The following XKR9 variants were observed in gnomAD, a reference collection of about 807,000 sequenced individuals.
XKR9 encodes XK related 9.
A neutral mutation model predicts 32.0 loss-of-function variants in XKR9; 32 were observed. The observed-to-expected ratio is 1.00, with a 90% CI of 0.76 to 1.34. The LOEUF (loss-of-function observed/expected upper bound fraction) is 1.34. XKR9 is among the 40% of genes most tolerant of loss of function. XKR9 has a pLI of 0.00. For synonymous variants in XKR9, 168 were observed against 143.4 expected (o/e 1.17, Z -1.22); for missense variants, 546 against 429.7 (o/e 1.27, Z -2.39).
rs370452618 is a variant in XKR9 at position 70,734,089 on chromosome 8, T to C, written c.787T>C (p.Tyr263His). ...FCTCISMEFL[Y>H]RIVVGFILIF... Reference sequence around the variant, plus strand: ...TACTTGTATAAGTATGGAATTCTTATATAGGATTGTTGTTGGATTCATTCT... The same window carrying C: ...TACTTGTATAAGTATGGAATTCTTACATAGGATTGTTGTTGGATTCATTCT... Residue 263 changes from tyrosine to histidine, a missense_variant, in exon 5 of 5, where the codon TAT becomes CAT. Transcript: ENST00000408926. The C allele has an allele frequency of 1.1e-4, 185 of 1,612,748 alleles. No homozygotes were observed. Among genetic ancestry groups the C allele is most frequent in the Non-Finnish European group, 1.5e-4 (180 of 1,179,102 alleles).
chr8:71,010,457 T>G, the XKR9 span, among the ~76,000 whole-genome samples: 1 of 152,230 alleles, frequency 6.6e-6, no homozygotes, highest in African/African-American at 2.4e-5. Context: ...AGCTTCTCTA[T>G]GCAACATAGG....
intron 2 of XKR9, among the ~76,000 whole-genome samples, chr8:70,773,387 T>C (rs1319465870): frequency 6.6e-6 from 1 of 152,204 alleles, no homozygotes; most frequent in Admixed American, 6.6e-5. Flanking sequence ...TACAATCTAC[T>C]GGCCATGGTC....
At chr8:70,889,528 T>C in the XKR9 span, among the ~76,000 whole-genome samples, 29 of 151,990 alleles carry the variant, frequency 1.9e-4, no homozygotes, top group African/African-American at 6.7e-4. Flanking sequence ...TAATATCCAA[T>C]AGTTAGTTTT....
intron 2 of XKR9, among the ~76,000 whole-genome samples, chr8:70,786,960 CAAA>C (rs1411077161): frequency 6.6e-6 from 1 of 151,846 alleles, no homozygotes; most frequent in Non-Finnish European, 1.5e-5. Context: ...TTGTGGTTAC[CAAA>C]ATGTGTTTTC....
the XKR9 span, among the ~76,000 whole-genome samples, chr8:71,006,728 A>G: frequency 6.6e-6 from 1 of 152,186 alleles, no homozygotes; most frequent in Non-Finnish European, 1.5e-5. Context: ...ACTTTGGGGT[A>G]GAAAACTCAA....
intron 2 of XKR9, among the ~76,000 whole-genome samples, chr8:70,755,234 G>A (rs543739961): frequency 6.6e-6 from 1 of 152,298 alleles, no homozygotes; most frequent in East Asian, 1.9e-4. Context: ...ACTTAGAGTG[G>A]CAATCATTAA....
chr8:70,828,287 G>A, the XKR9 span, among the ~76,000 whole-genome samples: 1 of 152,096 alleles, frequency 6.6e-6, no homozygotes, highest in Non-Finnish European at 1.5e-5. Flanking sequence ...TCTTCAAATA[G>A]GCCTATATTA....
chr8:70,809,449 A>G, the XKR9 span, among the ~76,000 whole-genome samples: 2 of 152,246 alleles, frequency 1.3e-5, no homozygotes, highest in East Asian at 1.9e-4. Flanking sequence ...ACGGAGAATG[A>G]CTTTGATGAG....
At chr8:70,846,319 G>GATGTGAA in the XKR9 span, among the ~76,000 whole-genome samples, 2 of 152,004 alleles carry the variant, frequency 1.3e-5, no homozygotes, top group African/African-American at 2.4e-5. Flanking sequence ...CTTACAATGG[G>GATGTGAA]ATGTGAAAAG....
At chr8:70,855,495 G>T in the XKR9 span, among the ~76,000 whole-genome samples, 1 of 152,238 alleles carries the variant, frequency 6.6e-6, no homozygotes, top group Middle Eastern at 3.4e-3. Flanking sequence ...CCAAATCTAC[G>T]TCTGATTGGT....
At chr8:70,716,373 G>A (rs765322919) in intron 4 of XKR9, among the ~76,000 whole-genome samples, 4 of 152,054 alleles carry the variant, frequency 2.6e-5, no homozygotes, top group Admixed American at 2.6e-4. Context: ...AGAACTGCCC[G>A]AGACTGGGTA....
At chr8:70,754,686 G>T (rs1485709044) in intron 2 of XKR9, among the ~76,000 whole-genome samples, 2 of 151,086 alleles carry the variant, frequency 1.3e-5, no homozygotes, top group Non-Finnish European at 3.0e-5. Context: ...TTAATAAATG[G>T]TGCTGGGAAA....
At chr8:70,901,229 G>A in the XKR9 span, among the ~76,000 whole-genome samples, 11,076 of 152,192 alleles carry the variant, frequency 0.073, 476 homozygotes, top group Non-Finnish European at 0.089. Flanking sequence ...CTGAGGAATC[G>A]CCACACTGTC....
the XKR9 span, among the ~76,000 whole-genome samples, chr8:70,833,903 T>G: frequency 6.6e-6 from 1 of 152,196 alleles, no homozygotes; most frequent in Non-Finnish European, 1.5e-5. Flanking sequence ...AACACTTTCC[T>G]TTATTGTAGG....
intron 2 of XKR9, among the ~76,000 whole-genome samples, chr8:70,747,186 T>C (rs1563466252): frequency 6.6e-6 from 1 of 152,200 alleles, no homozygotes; most frequent in Admixed American, 6.5e-5. Context: ...TGATGCCATG[T>C]CTTTGTTATT....
the XKR9 span, among the ~76,000 whole-genome samples, chr8:70,815,513 A>AT: frequency 1.3e-5 from 2 of 148,338 alleles, no homozygotes; most frequent in East Asian, 2.0e-4. Flanking sequence ...CCTTTATTTT[A>AT]TTTATTTATT....
chr8:70,727,637 A>G (rs1290361806), intron 4 of XKR9, among the ~76,000 whole-genome samples: 1 of 151,970 alleles, frequency 6.6e-6, no homozygotes, highest in African/African-American at 2.4e-5. Flanking sequence ...TTACCTCATG[A>G]TCTGCCCGCC....
intron 4 of XKR9, among the ~76,000 whole-genome samples, chr8:70,722,655 A>G (rs927628376): frequency 3.3e-5 from 5 of 152,182 alleles, no homozygotes; most frequent in African/African-American, 1.2e-4. Flanking sequence ...GGGTTTCTGC[A>G]GAGAGATCTG....
intron 2 of XKR9, among the ~76,000 whole-genome samples, chr8:70,746,928 C>G (rs79301257): frequency 6.6e-6 from 1 of 152,066 alleles, no homozygotes; most frequent in South Asian, 2.1e-4. Context: ...CTGTCTTCTC[C>G]CTTTTGGAAT....
Sources: allele counts gnomAD v4.1 joint callset (sites outside exome capture counted in the v4.1 genomes callset), GRCh38; gene constraint gnomAD v4.1.1; transcripts MANE v1.5; gene names NCBI Gene and HGNC (gene_info 2026-07-23, HGNC 2026-07-21).